NOL11: variants seen among roughly 807,000 people sequenced by gnomAD.
NOL11 encodes the protein nucleolar protein 11.
NOL11 carries 42 observed loss-of-function variants against 93.0 expected under a neutral mutation model. The observed-to-expected ratio is 0.45, with a 90% CI of 0.35 to 0.58. NOL11 has a LOEUF of 0.58. NOL11 is among the 20% of genes least tolerant of loss of function. The pLI, the probability that NOL11 is intolerant of heterozygous loss-of-function variation, is 0.00. For synonymous variants in NOL11, 296 were observed against 293.7 expected (o/e 1.01, Z -0.08); for missense variants, 775 against 841.8 (o/e 0.92, Z 0.98).
At chr17:67,727,623 C>T (rs1429363113) in intron 7 of NOL11, among the ~76,000 whole-genome samples, 2 of 151,674 alleles carry the variant, frequency 1.3e-5, no homozygotes, top group Non-Finnish European at 2.9e-5. Context: ...CACCATTGCA[C>T]TCCAGCCTGG....
chr17:67,737,715 C>T (rs1567804858), intron 12 of NOL11, 23 bp downstream of exon 12: 2 of 1,606,340 alleles, frequency 1.2e-6, no homozygotes, highest in Non-Finnish European at 1.7e-6. Context: ...GTGTACCACA[C>T]TGTACGTGCA....
chr17:67,742,725 G>T (rs1447194374), intron 16 of NOL11, among the ~76,000 whole-genome samples: 2 of 152,032 alleles, frequency 1.3e-5, no homozygotes, highest in Admixed American at 1.3e-4. Context: ...CCAGTTTCCC[G>T]GTTGCTTTGA....
At chr17:67,722,684 A>T (rs2043227353) in intron 5 of NOL11, 47 bp downstream of exon 5, 11 of 980,364 alleles carry the variant, frequency 1.1e-5, no homozygotes, top group African/African-American at 3.8e-5. Context: ...AATTTCTTTA[A>T]AAAAAAAAAA....
At chr17:67,739,228 T>C (rs1199063683) in intron 15 of NOL11, among the ~76,000 whole-genome samples, 1 of 152,184 alleles carries the variant, frequency 6.6e-6, no homozygotes, top group Non-Finnish European at 1.5e-5. Context: ...AAGGCCAAGT[T>C]AAGCTTCCTA....
At chr17:67,737,782 T>G in intron 12 of NOL11, 65 bp from the exon 13 acceptor site, 1 of 1,585,048 alleles carries the variant, frequency 6.3e-7, no homozygotes, top group Non-Finnish European at 8.6e-7. Flanking sequence ...TCAAAAGGCT[T>G]ATAAATGTTC....
chr17:67,724,885 C>T (rs908565554), intron 6 of NOL11, among the ~76,000 whole-genome samples: 19 of 152,032 alleles, frequency 1.2e-4, no homozygotes, highest in Admixed American at 1.2e-3. Context: ...GGTGAAACCC[C>T]GTCTCTACTA....
chr17:67,718,252 C>T (rs2043190991), intron 1 of NOL11, among the ~76,000 whole-genome samples, 164 bp downstream of exon 1: 2 of 152,174 alleles, frequency 1.3e-5, no homozygotes, highest in South Asian at 2.1e-4. Flanking sequence ...TGGAATCTGG[C>T]TTGCTTGCCT....
chr17:67,736,458 A>G lies in NOL11; in HGVS notation c.1055-208A>G, dbSNP rs149966112. 1,453 of 529,206 alleles carry G rather than the reference A, an allele frequency of 2.7e-3. 22 individuals carry two copies. The highest frequency in any genetic ancestry group is 0.022 in the East Asian group (712 of 32,156). The allele number at this position is 529,206 out of a possible 1,614,324, so 32.8% of individuals were successfully genotyped here. On this transcript the variant is annotated intron_variant, in intron 9 of 17. Coordinates refer to ENST00000253247, the MANE Select transcript of NOL11 (RefSeq NM_015462.5). ...TACCTCTGCCCTCCCTTGTTTACCG[A>G]TGGCCTCATCTGTTAGCTTAACGTT...
rs369254629 is a variant in NOL11, at chr17:67,737,500, G to A, written c.1219-8G>A. 5.5e-5 allele frequency: 87 copies of A among 1,592,984 alleles called. No homozygotes were observed. The highest frequency in any genetic ancestry group is 9.2e-5 in the Admixed American group (5 of 54,446). Reference sequence around the variant, plus strand: ...GCCAAACTGAATTCTTTAATTCTGCGCTTTCAGAAAGATTCAGAAAAACAC... The same window carrying A: ...GCCAAACTGAATTCTTTAATTCTGCACTTTCAGAAAGATTCAGAAAAACAC... On this transcript the variant is annotated splice_polypyrimidine_tract_variant and splice_region_variant and intron_variant, in intron 11 of 17. Coordinates refer to ENST00000253247, the MANE Select transcript of NOL11 (RefSeq NM_015462.5).
At chr17:67,729,813 T>C (rs966021673) in intron 7 of NOL11, among the ~76,000 whole-genome samples, 24 of 150,884 alleles carry the variant, frequency 1.6e-4, no homozygotes, top group African/African-American at 5.4e-4. Context: ...TCCCCTGACC[T>C]CATGATCCGC....
Position 67,743,551 on chromosome 17 carries a change from C to T in NOL11, c.2008C>T (p.Leu670=). 1 of 1,606,200 alleles carries T rather than the reference C, an allele frequency of 6.2e-7. No homozygotes were observed. The highest frequency in any genetic ancestry group is 1.1e-5 in the South Asian group (1 of 90,372). Residue 670 remains leucine, a synonymous_variant, in exon 17 of 18, where the codon CTA becomes TTA. Coordinates refer to ENST00000253247, the MANE Select transcript of NOL11 (RefSeq NM_015462.5). ...VVVMMPEAKR[L]LINLYKLVKS... Reference sequence around the variant, plus strand: ...TGTAATGATGCCAGAAGCAAAGAGGCTACTGATAAATCTTTACAAGCTTGT... The same window carrying T: ...TGTAATGATGCCAGAAGCAAAGAGGTTACTGATAAATCTTTACAAGCTTGT...
At position 67,738,232 on chromosome 17, in the gene NOL11, A is replaced by C; in HGVS notation, c.1640A>C (p.Gln547Pro). 6.2e-7 allele frequency: 1 copy of C among 1,613,448 alleles called. No homozygotes were observed. Among genetic ancestry groups the C allele is most frequent in the Non-Finnish European group, 8.5e-7 (1 of 1,179,504 alleles). Residue 547 changes from glutamine (Q) to proline (P), a missense_variant, in exon 14 of 18, where the codon CAA becomes CCA. Gln to Pro is a moderately conservative substitution (Grantham distance 76). Around this residue, in one of 2 missense-constraint regions of NOL11, gnomAD observed 416 missense variants for 525.2 expected, o/e 0.79. Coordinates refer to ENST00000253247, the MANE Select transcript of NOL11 (RefSeq NM_015462.5). ...EKMEEQTEIL[Q>P]NGFNPEEDKC... Reference sequence around the variant, plus strand: ...ATGGAAGAGCAAACTGAAATTCTTCAAAATGGCTTCAATCCTGAAGAAGAT... The same window carrying C: ...ATGGAAGAGCAAACTGAAATTCTTCCAAATGGCTTCAATCCTGAAGAAGAT...
At chr17:67,739,085 G>T in intron 15 of NOL11, 75 bp downstream of exon 15, 2 of 1,059,936 alleles carry the variant, frequency 1.9e-6, no homozygotes, top group South Asian at 1.4e-5. Flanking sequence ...CCAGCTGTTA[G>T]GGCATTCTAA....
At chr17:67,729,580 A>G (rs1052990744) in intron 7 of NOL11, among the ~76,000 whole-genome samples, 18 of 151,148 alleles carry the variant, frequency 1.2e-4, no homozygotes, top group African/African-American at 4.2e-4. Context: ...GAAATCATAC[A>G]ATACTTTTTT....
chr17:67,727,532 C>T (rs914841323), intron 7 of NOL11, among the ~76,000 whole-genome samples: 1 of 152,128 alleles, frequency 6.6e-6, no homozygotes, highest in Non-Finnish European at 1.5e-5. Context: ...TGGCGCATGC[C>T]TGTAATCCCA....
chr17:67,718,474 G>A (rs543264828), intron 1 of NOL11, among the ~76,000 whole-genome samples: 10 of 152,124 alleles, frequency 6.6e-5, no homozygotes, highest in African/African-American at 2.4e-4. Flanking sequence ...TGACAGAGTG[G>A]GAATAGTGGT....
rs922675255 is a variant in NOL11 at position 67,737,886 on chromosome 17, A to G, written c.1443A>G (p.Lys481=). The change falls in exon 13 of 18, where the codon AAA becomes AAG. Residue 481 remains lysine, a synonymous_variant. Coordinates refer to ENST00000253247, the MANE Select transcript of NOL11 (RefSeq NM_015462.5). ...TAATGGAGATTGCCTTAAAAAAGAA[A>G]GATGTACAGTTGTTACAACTCTGTC... is the stretch of plus-strand genomic sequence containing the variant. ...PDLMEIALKK[K]DVQLLQLCLQ... The G allele has an allele frequency of 1.2e-6, 2 of 1,613,416 alleles. No homozygotes were observed. The highest frequency in any genetic ancestry group is 1.7e-5 in the Admixed American group (1 of 59,856).
At chr17:67,721,007 G>A (rs2043213960) in intron 3 of NOL11, among the ~76,000 whole-genome samples, 1 of 152,190 alleles carries the variant, frequency 6.6e-6, no homozygotes, top group Non-Finnish European at 1.5e-5. Flanking sequence ...GCAGGCTGTA[G>A]TTACAATTGT....
chr17:67,741,356 T>C (rs1162289590), intron 16 of NOL11, among the ~76,000 whole-genome samples: 2 of 151,810 alleles, frequency 1.3e-5, no homozygotes, highest in Non-Finnish European at 2.9e-5. Context: ...AGGTGTAAGC[T>C]ACCGTGCCCG....
Sources: allele counts gnomAD v4.1 joint callset (sites outside exome capture counted in the v4.1 genomes callset), GRCh38; gene constraint gnomAD v4.1.1; regional missense constraint gnomAD v4.1.1; transcripts MANE v1.5; gene names NCBI Gene and HGNC (gene_info 2026-07-23, HGNC 2026-07-21).